MRAP2: variants seen among roughly 807,000 people sequenced by gnomAD.
The protein encoded by MRAP2 is melanocortin-2 receptor accessory protein 2.
In MRAP2, 20 loss-of-function variants were observed where a neutral mutation model predicts 17.4. The ratio of observed to expected loss-of-function variants is 1.15; its 90% CI spans 0.81 to 1.67. The LOEUF is 1.67. Among genes scored for constraint, MRAP2 ranks in the 40% most tolerant of loss-of-function variants. MRAP2 has a pLI of 0.00. For missense variants in MRAP2, 238 were observed against 240.0 expected (o/e 0.99, Z 0.05); for synonymous variants, 96 against 88.4 (o/e 1.09, Z -0.48).
the MRAP2 span, among the ~76,000 whole-genome samples, chr6:84,114,968 C>A: frequency 0.042 from 6,462 of 152,254 alleles, 198 homozygotes; most frequent in Admixed American, 0.086. Flanking sequence ...GAGGGGCACC[C>A]GTCAGATGCC....
chr6:84,088,741 A>G (rs2099501092), intron 3 of MRAP2, among the ~76,000 whole-genome samples: 1 of 152,226 alleles, frequency 6.6e-6, no homozygotes, highest in South Asian at 2.1e-4. Context: ...TCTGTGACCC[A>G]GGAATCTGCA....
At chr6:84,051,103 G>T (rs1346860145) in intron 1 of MRAP2, among the ~76,000 whole-genome samples, 1 of 152,202 alleles carries the variant, frequency 6.6e-6, no homozygotes, top group Admixed American at 6.5e-5. Flanking sequence ...TGGAAAAAAA[G>T]TGTCTAACTC....
the MRAP2 span, among the ~76,000 whole-genome samples, chr6:84,133,163 C>T: frequency 6.6e-6 from 1 of 152,194 alleles, no homozygotes; most frequent in Non-Finnish European, 1.5e-5. Context: ...CCAGCAGAGG[C>T]TGCAGAACAG....
intron 1 of MRAP2, among the ~76,000 whole-genome samples, chr6:84,044,711 A>G (rs1311720659): frequency 6.6e-6 from 1 of 151,982 alleles, no homozygotes; most frequent in Non-Finnish European, 1.5e-5. Flanking sequence ...TAACTTAATT[A>G]CCCCTTTAAA....
Position 84,062,890 on chromosome 6 carries a change from C to A in MRAP2, c.128-3C>A, listed in dbSNP as rs1482507812. The A allele has an allele frequency of 6.2e-7, 1 of 1,614,124 alleles. No individual in the cohort carries two copies. Among genetic ancestry groups the A allele is most frequent in the Admixed American group, 1.7e-5 (1 of 60,022 alleles). ...ACTAATCCCAGAATTAACTGTCTTT[C>A]AGATTCCATTGTGATTGGATTTTGG... On this transcript the variant is annotated splice_polypyrimidine_tract_variant and splice_region_variant and intron_variant, in intron 2 of 3. Transcript: ENST00000257776.
rs551560848 is a variant in MRAP2 at position 84,034,220 on chromosome 6, C to T, written c.-8+337C>T. On this transcript the variant is annotated intron_variant, in intron 1 of 3. Coordinates refer to ENST00000257776, the MANE Select transcript of MRAP2 (RefSeq NM_138409.4). Reference sequence around the variant, plus strand: ...GCTGGGCCCCAGCGGCCGAGGCACACCCTTTCCCGCTGGTGAGAAAACTTT... The same window carrying T: ...GCTGGGCCCCAGCGGCCGAGGCACATCCTTTCCCGCTGGTGAGAAAACTTT... Among the ~76,000 whole-genome samples, 7 of 152,232 alleles carry T rather than the reference C, an allele frequency of 4.6e-5. No homozygotes were observed. In the South Asian group the frequency reaches 1.2e-3, roughly 27 times the overall value.
chr6:84,134,452 T>A, the MRAP2 span, among the ~76,000 whole-genome samples: 1 of 152,168 alleles, frequency 6.6e-6, no homozygotes, highest in Non-Finnish European at 1.5e-5. Flanking sequence ...AGTTTTGTGC[T>A]TGAAACCCAG....
the MRAP2 span, among the ~76,000 whole-genome samples, chr6:84,099,863 T>TC: frequency 8.3e-4 from 97 of 116,502 alleles, 1 homozygote; most frequent in South Asian, 2.0e-3. Context: ...TCTCTCTCTC[T>TC]TTTTTTTTTT....
At chr6:84,130,053 G>T in the MRAP2 span, among the ~76,000 whole-genome samples, 1 of 152,160 alleles carries the variant, frequency 6.6e-6, no homozygotes, top group East Asian at 1.9e-4. Flanking sequence ...CTAGTTTGTT[G>T]AGAGTTTTTA....
the MRAP2 span, among the ~76,000 whole-genome samples, chr6:84,104,469 A>T: frequency 1.4e-4 from 21 of 152,322 alleles, no homozygotes; most frequent in African/African-American, 4.6e-4. Context: ...TTTCTATCGC[A>T]TAGTTAGGCT....
the MRAP2 span, among the ~76,000 whole-genome samples, chr6:84,125,723 CT>C: frequency 3.9e-5 from 6 of 152,112 alleles, no homozygotes; most frequent in Non-Finnish European, 8.8e-5. Context: ...AGGTGGCTAT[CT>C]GCAAGCTGGA....
the MRAP2 span, among the ~76,000 whole-genome samples, chr6:84,123,017 G>A: frequency 1.3e-5 from 2 of 150,234 alleles, no homozygotes; most frequent in African/African-American, 5.0e-5. Flanking sequence ...ACAGCACCTA[G>A]GAATACATTT....
At chr6:84,033,259 T>G (rs2099485023), upstream of MRAP2, among the ~76,000 whole-genome samples, 1 of 152,230 alleles carries the variant, frequency 6.6e-6, no homozygotes, top group Non-Finnish European at 1.5e-5. Flanking sequence ...GAGCCAGCCC[T>G]GCTATGCTGA....
intron 1 of MRAP2, among the ~76,000 whole-genome samples, chr6:84,054,916 C>T (rs2099491317): frequency 6.6e-6 from 1 of 152,192 alleles, no homozygotes; most frequent in Admixed American, 6.5e-5. Context: ...CAGCAATGAA[C>T]TAGTTTCAGC....
At chr6:84,049,970 G>C (rs200367021) in intron 1 of MRAP2, among the ~76,000 whole-genome samples, 1 of 143,002 alleles carries the variant, frequency 7.0e-6, no homozygotes, top group African/African-American at 2.9e-5. Context: ...AGAGCCCAGC[G>C]TGCGTGCATT....
At chr6:84,064,519 G>A (rs553244949) in intron 3 of MRAP2, among the ~76,000 whole-genome samples, 8 of 152,066 alleles carry the variant, frequency 5.3e-5, no homozygotes, top group Admixed American at 4.6e-4. Context: ...ACGGAGTCTT[G>A]CTCTGTCACC....
At chr6:84,129,531 A>T in the MRAP2 span, among the ~76,000 whole-genome samples, 1,416 of 151,722 alleles carry the variant, frequency 9.3e-3, 17 homozygotes, top group African/African-American at 0.032. Context: ...TTTGATGGGG[A>T]TGTTTTTTTT....
intron 3 of MRAP2, among the ~76,000 whole-genome samples, chr6:84,064,613 C>G (rs544536777): frequency 7.2e-4 from 110 of 152,200 alleles, no homozygotes; most frequent in Middle Eastern, 3.4e-3. Flanking sequence ...TCAGCCTCCC[C>G]AGTAGCTGGG....
intron 1 of MRAP2, among the ~76,000 whole-genome samples, chr6:84,042,576 T>C (rs1204622706): frequency 6.6e-6 from 1 of 152,210 alleles, no homozygotes; most frequent in Non-Finnish European, 1.5e-5. Context: ...TTTGGGACCC[T>C]TAGACCTTGG....
Sources: gnomAD v4.1 joint callset for allele counts (sites outside exome capture counted in the v4.1 genomes callset) on GRCh38, gnomAD v4.1.1 for gene constraint, MANE v1.5 for transcripts, NCBI Gene and HGNC (gene_info 2026-07-23, HGNC 2026-07-21) for gene names.